Variants in CFAP96 observed in about 807,000 individuals in gnomAD.
The protein encoded by CFAP96 is cilia and flagella associated protein 96, also known as cilia-and flagella-associated protein 96.
chr4:185,425,877 C>A, the CFAP96 span: 1 of 1,602,408 alleles, frequency 6.2e-7, no homozygotes, highest in Non-Finnish European at 8.5e-7. Context: ...ATGTCCGCGA[C>A]GTGGCGGTGA....
At chr4:185,441,755 G>A in the CFAP96 span, among the ~76,000 whole-genome samples, 9 of 151,716 alleles carry the variant, frequency 5.9e-5, no homozygotes, top group Admixed American at 5.9e-4. Flanking sequence ...GATGTAAAGA[G>A]TGAGGTAAGA....
At chr4:185,418,699 CA>C in the CFAP96 span, 1 of 1,613,938 alleles carries the variant, frequency 6.2e-7, no homozygotes, top group South Asian at 1.1e-5. Context: ...ATTCTGAACA[CA>C]AGGGCGTTTG....
the CFAP96 span, among the ~76,000 whole-genome samples, chr4:185,414,841 C>A: frequency 6.6e-6 from 1 of 152,210 alleles, no homozygotes; most frequent in Admixed American, 6.5e-5. Flanking sequence ...CTGTTAATAC[C>A]AGCAACTTTA....
the CFAP96 span, chr4:185,429,242 A>G: frequency 2.1e-6 from 1 of 483,354 alleles, no homozygotes; most frequent in Non-Finnish European, 3.6e-6. Flanking sequence ...AGTAAACCTT[A>G]AACTCTCAGA....
At chr4:185,434,765 G>A in the CFAP96 span, among the ~76,000 whole-genome samples, 1 of 151,358 alleles carries the variant, frequency 6.6e-6, no homozygotes, top group Non-Finnish European at 1.5e-5. Flanking sequence ...GTGAGATGGA[G>A]TCTGGCTCTG....
At chr4:185,447,298 C>T in the CFAP96 span, among the ~76,000 whole-genome samples, 1 of 151,952 alleles carries the variant, frequency 6.6e-6, no homozygotes, top group Admixed American at 6.6e-5. Flanking sequence ...TCTCCTGCCT[C>T]AGCCTCCCGA....
chr4:185,442,340 A>G, the CFAP96 span, among the ~76,000 whole-genome samples: 11 of 152,162 alleles, frequency 7.2e-5, no homozygotes, highest in South Asian at 1.7e-3. Context: ...TTAACCTTCT[A>G]TCTCCCTTGT....
chr4:185,432,132 G>A, the CFAP96 span: 121 of 1,551,666 alleles, frequency 7.8e-5, 1 homozygote, highest in Non-Finnish European at 9.2e-5. Context: ...GTGAGGAGAC[G>A]GGATATGGTG....
At chr4:185,415,215 A>AG in the CFAP96 span, 2 of 1,607,080 alleles carry the variant, frequency 1.2e-6, no homozygotes, top group African/African-American at 2.7e-5. Context: ...TTGTTACAAG[A>AG]TTTTTTTTCC....
At chr4:185,440,633 T>A in the CFAP96 span, 4 of 1,525,296 alleles carry the variant, frequency 2.6e-6, no homozygotes, top group Non-Finnish European at 3.5e-6. Flanking sequence ...TCCTTATTTT[T>A]CTGAGGAATC....
the CFAP96 span, among the ~76,000 whole-genome samples, chr4:185,449,088 T>C: frequency 1.8e-4 from 28 of 152,244 alleles, no homozygotes; most frequent in Non-Finnish European, 1.9e-4. Context: ...TTGTTTTCCT[T>C]CTTAAATTGT....
the CFAP96 span, chr4:185,426,536 C>T: frequency 6.6e-6 from 1 of 152,518 alleles, no homozygotes; most frequent in South Asian, 2.0e-4. Flanking sequence ...GACGCTCCAT[C>T]CGTACCTTTT....
At chr4:185,409,673 C>T in the CFAP96 span, among the ~76,000 whole-genome samples, 3 of 152,160 alleles carry the variant, frequency 2.0e-5, no homozygotes, top group Non-Finnish European at 4.4e-5. Context: ...ATCCCTGGAA[C>T]TTGTGAATGC....
chr4:185,421,377 A>G, the CFAP96 span, among the ~76,000 whole-genome samples: 30 of 152,112 alleles, frequency 2.0e-4, no homozygotes, highest in Admixed American at 3.3e-4. Flanking sequence ...GTGATCTCCA[A>G]TGTTTGAAGT....
chr4:185,421,701 C>G, the CFAP96 span, among the ~76,000 whole-genome samples: 99,385 of 152,100 alleles, frequency 0.65, 35,045 homozygotes, highest in East Asian at 0.87. Flanking sequence ...CTCAGGTATT[C>G]CTTTAGAAAG....
chr4:185,446,940 T>C, the CFAP96 span, among the ~76,000 whole-genome samples: 1 of 152,176 alleles, frequency 6.6e-6, no homozygotes, highest in Non-Finnish European at 1.5e-5. Context: ...TGCATCTTTT[T>C]TTTGAGCCTC....
At chr4:185,415,260 A>G in the CFAP96 span, 1 of 1,602,488 alleles carries the variant, frequency 6.2e-7, no homozygotes. Context: ...CAGGGACCAC[A>G]ATAGATGTTC....
chr4:185,418,587 T>C, the CFAP96 span: 1 of 1,612,554 alleles, frequency 6.2e-7, no homozygotes, highest in Admixed American at 1.7e-5. Context: ...ACATACTCAC[T>C]GAATAAAGCG....
At chr4:185,419,793 A>G in the CFAP96 span, among the ~76,000 whole-genome samples, 1 of 152,326 alleles carries the variant, frequency 6.6e-6, no homozygotes, top group Admixed American at 6.5e-5. Flanking sequence ...GTGTGGATAC[A>G]CCAATTTTGT....
Sources: gnomAD v4.1 joint callset for allele counts (sites outside exome capture counted in the v4.1 genomes callset) on GRCh38, gnomAD v4.1.1 for gene constraint, MANE v1.5 for transcripts, NCBI Gene and HGNC (gene_info 2026-07-23, HGNC 2026-07-21) for gene names.